PRKG1: variants seen among roughly 807,000 people sequenced by gnomAD.
The protein encoded by PRKG1 is protein kinase cGMP-dependent 1.
In PRKG1, 35 loss-of-function variants were observed where a neutral mutation model predicts 88.1. The observed-to-expected ratio is 0.40, with a 90% CI of 0.30 to 0.53. The LOEUF (loss-of-function observed/expected upper bound fraction) is 0.53, where lower values mean the gene tolerates loss of function less well. Ranked by LOEUF, PRKG1 falls within the 20% of genes least tolerant of loss-of-function variation. The probability of loss-of-function intolerance (pLI) is 0.59; values close to 1 mark genes in which losing one functional copy is unlikely to be tolerated. For missense variants in PRKG1, 540 were observed against 839.8 expected (o/e 0.64, Z 4.41); for synonymous variants, 303 against 292.5 (o/e 1.04, Z -0.37).
intron 3 of PRKG1, among the ~76,000 whole-genome samples, chr10:51,670,463 G>A (rs953752572): frequency 2.6e-4 from 39 of 150,928 alleles, no homozygotes; most frequent in African/African-American, 6.3e-4. Context: ...AAGGCCGGGC[G>A]CGGTGGCTCA....
At chr10:51,973,746 A>G (rs533878969) in intron 5 of PRKG1, among the ~76,000 whole-genome samples, 44 of 152,276 alleles carry the variant, frequency 2.9e-4, no homozygotes, top group African/African-American at 1.0e-3. Flanking sequence ...CTCATAGATC[A>G]GAAACACATC....
At chr10:52,219,165 A>G (rs912737989) in intron 9 of PRKG1, among the ~76,000 whole-genome samples, 1 of 151,844 alleles carries the variant, frequency 6.6e-6, no homozygotes, top group Admixed American at 6.6e-5. Flanking sequence ...TTTACGTACT[A>G]GGATGAATAG....
chr10:52,009,590 A>G (rs146808770), intron 5 of PRKG1, among the ~76,000 whole-genome samples: 1 of 152,300 alleles, frequency 6.6e-6, no homozygotes, highest in East Asian at 1.9e-4. Flanking sequence ...TAAAATGGCC[A>G]TACTGCCCAA....
At chr10:51,320,624 G>A (rs1841430780) in intron 2 of PRKG1, 1 of 152,332 alleles carries the variant, frequency 6.6e-6, no homozygotes. Context: ...AATCAGAAAA[G>A]ATGAGCTGGA....
chr10:51,102,438 GA>G lies in PRKG1; in HGVS notation c.311+27547del, dbSNP rs138495237. Among the ~76,000 whole-genome samples the G allele has an allele frequency of 5.9e-4, 86 of 145,968 alleles. 1 individual carries two copies. Among genetic ancestry groups the G allele is most frequent in the South Asian group, 2.6e-3 (12 of 4,618 alleles). On this transcript the variant is annotated intron_variant, in intron 1 of 17. Coordinates refer to ENST00000373980, the MANE Select transcript of PRKG1 (RefSeq NM_006258.4). ...TTAAAATAAAGGGTCTCTGGAGTTG[GA>G]AAAAAAAAACAGGCAGAATTAAAGG... is the stretch of plus-strand genomic sequence containing the variant.
chr10:51,521,192 G>T (rs1394814706), intron 3 of PRKG1, among the ~76,000 whole-genome samples: 1 of 152,180 alleles, frequency 6.6e-6, no homozygotes, highest in African/African-American at 2.4e-5. Flanking sequence ...GGAGGCCGAG[G>T]CAGGAGAATC....
chr10:51,310,372 T>G (rs1404055641), intron 2 of PRKG1, among the ~76,000 whole-genome samples: 1 of 152,214 alleles, frequency 6.6e-6, no homozygotes, highest in Admixed American at 6.5e-5. Flanking sequence ...AACATTGTGC[T>G]CTGGGCTATG....
intron 3 of PRKG1, among the ~76,000 whole-genome samples, chr10:51,719,041 G>C (rs1841951707): frequency 6.6e-6 from 1 of 152,048 alleles, no homozygotes; most frequent in Non-Finnish European, 1.5e-5. Context: ...AGCTACTCAA[G>C]AGGCCCCTGA....
rs546462303 is a variant in PRKG1 at position 51,651,617 on chromosome 10, C to T, written c.593-152968C>T. Among the ~76,000 whole-genome samples, 9 of 149,696 alleles carry T rather than the reference C, an allele frequency of 6.0e-5. No homozygotes were observed. In the South Asian group the frequency reaches 1.9e-3, roughly 32 times the overall value. On this transcript the variant is annotated intron_variant, in intron 3 of 17. Coordinates refer to ENST00000373980, the MANE Select transcript of PRKG1 (RefSeq NM_006258.4). ...TTTTTTTAATTTAGTCAGAGTTTTG[C>T]TCTGTCACCAGGCTGGAGTACAGTG...
chr10:51,201,504 G>T (rs138979253), intron 2 of PRKG1, among the ~76,000 whole-genome samples: 290 of 152,252 alleles, frequency 1.9e-3, no homozygotes, highest in African/African-American at 6.4e-3. Flanking sequence ...TCAAAGCCAT[G>T]TATTTTTATT....
chr10:51,002,742 G>A (rs1477191240), intron 1 of PRKG1, among the ~76,000 whole-genome samples: 5 of 152,204 alleles, frequency 3.3e-5, no homozygotes, highest in African/African-American at 1.2e-4. Flanking sequence ...ATTTAACGCT[G>A]AGGAGAAATG....
chr10:51,132,853 T>A (rs1845604065), intron 1 of PRKG1, among the ~76,000 whole-genome samples: 1 of 151,878 alleles, frequency 6.6e-6, no homozygotes, highest in Non-Finnish European at 1.5e-5. Context: ...GATATGTTAA[T>A]TAGCTTCATT....
At chr10:52,212,696 C>A (rs1433152053) in intron 9 of PRKG1, among the ~76,000 whole-genome samples, 1 of 151,170 alleles carries the variant, frequency 6.6e-6, no homozygotes, top group African/African-American at 2.4e-5. Context: ...TGCATGAAAC[C>A]CATAGATCAT....
chr10:51,099,653 A>G lies in PRKG1; in HGVS notation c.311+24752A>G, dbSNP rs545174953. 3.3e-5 allele frequency among the ~76,000 whole-genome samples: 5 copies of G among 152,260 alleles called. No homozygotes were observed. In the East Asian group the frequency reaches 9.7e-4, roughly 29 times the overall value. ...TTTTAACCCAGGACTCTGTGGAATA[A>G]AGTTAATGAGGAAAACATTCTTGTG... On this transcript the variant is annotated intron_variant, in intron 1 of 17. Transcript: ENST00000373980.
chr10:51,883,007 G>A (rs1841474927), intron 4 of PRKG1, among the ~76,000 whole-genome samples: 1 of 152,202 alleles, frequency 6.6e-6, no homozygotes, highest in Non-Finnish European at 1.5e-5. Flanking sequence ...GAAGAGATTA[G>A]CATTTGAACT....
intron 5 of PRKG1, among the ~76,000 whole-genome samples, chr10:51,943,923 G>A (rs1210251093): frequency 6.6e-6 from 1 of 151,816 alleles, no homozygotes; most frequent in Non-Finnish European, 1.5e-5. Context: ...CTCTTTTTTG[G>A]TTGTGTCTCT....
intron 2 of PRKG1, among the ~76,000 whole-genome samples, chr10:51,430,884 C>G (rs1181423044): frequency 6.6e-6 from 1 of 152,140 alleles, no homozygotes; most frequent in South Asian, 2.1e-4. Context: ...ATATCCAAAG[C>G]AGATACATCT....
At position 51,126,126 on chromosome 10, in the gene PRKG1, T is replaced by C. The variant is rs1446762026; in HGVS notation, c.312-27038T>C. Among the ~76,000 whole-genome samples, 8 of 120,718 alleles carry C rather than the reference T, an allele frequency of 6.6e-5. No individual in the cohort carries two copies. In the East Asian group the frequency reaches 1.7e-3, roughly 26 times the overall value. The allele number at this position is 120,718 out of a possible 152,430, so 79.2% of individuals were successfully genotyped here. ...CTATATATAATTATATAATTATATT[T>C]AATTTTATAATTATATATATTATAT... is the stretch of plus-strand genomic sequence containing the variant. On this transcript the variant is annotated intron_variant, in intron 1 of 17. Coordinates refer to ENST00000373980, the MANE Select transcript of PRKG1 (RefSeq NM_006258.4).
chr10:51,392,385 C>T (rs967437253), intron 2 of PRKG1, among the ~76,000 whole-genome samples: 10 of 152,118 alleles, frequency 6.6e-5, no homozygotes, highest in Admixed American at 2.0e-4. Context: ...CATCTTGCAC[C>T]GCCCTTAATC....
Sources: gnomAD v4.1 joint callset for allele counts (sites outside exome capture counted in the v4.1 genomes callset) on GRCh38, gnomAD v4.1.1 for gene constraint, MANE v1.5 for transcripts, NCBI Gene and HGNC (gene_info 2026-07-23, HGNC 2026-07-21) for gene names.